The following RBM41 variants were observed in gnomAD, a reference collection of about 807,000 sequenced individuals.
RBM41 encodes the protein RNA-binding protein 41.
In RBM41, 14 loss-of-function variants were observed where a neutral mutation model predicts 30.8. The observed-to-expected ratio is 0.45, with a 90% CI of 0.30 to 0.71. The LOEUF is 0.71. RBM41 is among the 30% of genes least tolerant of loss of function. The pLI, the probability that RBM41 is intolerant of heterozygous loss-of-function variation, is 0.08. For missense variants in RBM41, 276 were observed against 326.3 expected (o/e 0.85, Z 1.19); for synonymous variants, 120 against 110.1 (o/e 1.09, Z -0.56).
chrX:107,064,796 T>C lies in RBM41; in HGVS notation c.*2731A>G, dbSNP rs981597660. The C allele has an allele frequency of 8.9e-6, 1 of 111,885 alleles. No homozygotes were observed. The highest frequency in any genetic ancestry group is 1.9e-5 in the Non-Finnish European group (1 of 53,180). 9.2% of individuals were successfully genotyped at this position (111,885 alleles called of 1,213,427 possible). On this transcript the variant is annotated 3_prime_UTR_variant, in exon 8 of 8. Transcript: ENST00000685964. ...AGATGTCTTTTAGGTCAATTTGCCT[T>C]ATAATGTTGTTCAAGTCTTCTATTT...
Position 107,067,335 on chromosome X carries a change from C to T in RBM41, c.*192G>A, listed in dbSNP as rs1320759298. 9.8e-6 allele frequency: 10 copies of T among 1,021,984 alleles called. No individual in the cohort carries two copies. Among genetic ancestry groups the T allele is most frequent in the Non-Finnish European group, 1.3e-5 (10 of 799,841 alleles). 84.2% of individuals were successfully genotyped at this position (1,021,984 alleles called of 1,213,427 possible). A position where few individuals can be genotyped will look rare whatever the true frequency, so the allele number is the denominator to read the frequency against. ...CCTTCATACTCAGCATATCATCTGT[C>T]CTATATAGTCTTCAATTATATAATA... On this transcript the variant is annotated 3_prime_UTR_variant, in exon 8 of 8. Transcript: ENST00000685964.
intron 5 of RBM41, among the ~76,000 whole-genome samples, chrX:107,108,590 A>C (rs1924203404): frequency 8.9e-6 from 1 of 112,324 alleles, no homozygotes; most frequent in South Asian, 3.7e-4. Context: ...TTTTTCACAA[A>C]GATATTAAGA....
At chrX:107,081,672 T>C (rs1172748613) in intron 6 of RBM41, among the ~76,000 whole-genome samples, 3 of 112,449 alleles carry the variant, frequency 2.7e-5, no homozygotes, top group Admixed American at 9.4e-5. Context: ...TATTTAGATC[T>C]TATTTAATTT....
intron 5 of RBM41, among the ~76,000 whole-genome samples, chrX:107,106,228 C>G (rs1444900344): frequency 8.9e-6 from 1 of 112,070 alleles, no homozygotes; most frequent in African/African-American, 3.3e-5. Flanking sequence ...AGACACTTCT[C>G]AAAAGAAGAC....
intron 5 of RBM41, among the ~76,000 whole-genome samples, chrX:107,098,817 G>A (rs925469965): frequency 2.7e-5 from 3 of 110,711 alleles, no homozygotes; most frequent in Admixed American, 9.6e-5. Flanking sequence ...CCTGGCCAAC[G>A]TGGTAAAACC....
At chrX:107,101,487 T>C (rs1455275954) in intron 5 of RBM41, among the ~76,000 whole-genome samples, 1 of 111,245 alleles carries the variant, frequency 9.0e-6, no homozygotes, top group Non-Finnish European at 1.9e-5. Context: ...GATGTCCTTA[T>C]AAGAAGGACA....
rs1490130906 is a variant in RBM41, at chrX:107,063,156, TCAA to T, written c.*4368_*4370del. Among the ~76,000 whole-genome samples, 1 of 111,561 alleles carries T rather than the reference TCAA, an allele frequency of 9.0e-6. No individual in the cohort carries two copies. Among genetic ancestry groups the T allele is most frequent in the African/African-American group, 3.3e-5 (1 of 30,709 alleles). On this transcript the variant is annotated 3_prime_UTR_variant, in exon 8 of 8. Coordinates refer to ENST00000685964, the MANE Select transcript of RBM41 (RefSeq NM_001324242.2). The stretch of plus-strand genomic sequence containing the variant: ...CACGACCAATTTTAGAACACTTTCA[TCAA>T]CCTCTAAAGAAACTTCATACACTTC...
intron 5 of RBM41, among the ~76,000 whole-genome samples, chrX:107,089,795 C>T (rs1285561): frequency 0.37 from 40,405 of 110,273 alleles, 8,090 homozygotes; most frequent in African/African-American, 0.77. Flanking sequence ...TGGTAGATGG[C>T]ATTAGTCTCA....
Position 107,109,767 on chromosome X carries a change from TTATTTTACTCCA to T in RBM41, c.595+3618_595+3629del, listed in dbSNP as rs1158917050. ...CTAAATATCCCCCTAAACACTGATT[TTATTTTACTCCA>T]TAAGTTTTTGGCATGCTGTGTTTTA... On this transcript the variant is annotated intron_variant, in intron 5 of 7. Transcript: ENST00000685964. Among the ~76,000 whole-genome samples the T allele has an allele frequency of 1.6e-4, 18 of 111,491 alleles. No individual in the cohort carries two copies. The East Asian group carries it at 1.7e-3, about 10-fold the overall frequency.
intron 2 of RBM41, 106 bp downstream of exon 2, chrX:107,116,544 A>G: frequency 9.0e-7 from 1 of 1,105,621 alleles, no homozygotes; most frequent in Non-Finnish European, 1.2e-6. Context: ...GAAGTCTAAC[A>G]AAGAAAGGGA....
chrX:107,114,185 ATTATAAACCTACCTCT>A (rs1924715344), intron 4 of RBM41: 1 of 111,302 alleles, frequency 9.0e-6, no homozygotes, highest in Admixed American at 9.5e-5. Context: ...TAGTTCTTCC[ATTATAAACCTACCTCT>A]CTCCAATTTC....
At chrX:107,107,346 T>G (rs1924095300) in intron 5 of RBM41, among the ~76,000 whole-genome samples, 1 of 111,287 alleles carries the variant, frequency 9.0e-6, no homozygotes, top group African/African-American at 3.3e-5. Context: ...AAGCAGGAAA[T>G]GGATGAAAGT....
intron 4 of RBM41, chrX:107,114,889 C>T (rs749422738): frequency 9.1e-5 from 11 of 120,479 alleles, no homozygotes; most frequent in Non-Finnish European, 1.4e-4. Flanking sequence ...AATCTAGCTT[C>T]GCCTCCCCTT....
intron 2 of RBM41, chrX:107,116,300 A>C: frequency 5.5e-6 from 5 of 905,825 alleles, no homozygotes; most frequent in Non-Finnish European, 7.0e-6. Flanking sequence ...TCTGCTAGGT[A>C]CTAAGGATTT....
intron 6 of RBM41, among the ~76,000 whole-genome samples, chrX:107,075,061 C>A (rs1421308595): frequency 8.9e-6 from 1 of 111,755 alleles, no homozygotes; most frequent in African/African-American, 3.3e-5. Context: ...TAAAACTGGA[C>A]ACATAGGCCA....
downstream of RBM41, among the ~76,000 whole-genome samples, chrX:107,058,501 C>T (rs1488418216): frequency 1.8e-5 from 2 of 110,365 alleles, no homozygotes; most frequent in Non-Finnish European, 3.8e-5. Context: ...TTAACTTACT[C>T]AGGTTCACAC....
intron 5 of RBM41, among the ~76,000 whole-genome samples, chrX:107,106,673 G>A (rs937590775): frequency 2.2e-4 from 25 of 111,376 alleles, no homozygotes; most frequent in Admixed American, 2.1e-3. Flanking sequence ...TATACACCAT[G>A]AAATACTATG....
At chrX:107,057,048 T>A (rs774790962), downstream of RBM41, among the ~76,000 whole-genome samples, 1 of 110,013 alleles carries the variant, frequency 9.1e-6, no homozygotes, top group African/African-American at 3.3e-5. Context: ...TTAAATTTTT[T>A]TGTAGAGACG....
At chrX:107,056,795 G>A in the RBM41 span, among the ~76,000 whole-genome samples, 1 of 105,002 alleles carries the variant, frequency 9.5e-6, no homozygotes, top group African/African-American at 3.6e-5. Context: ...CAATTTTGGT[G>A]ATCTTCTCAA....
Sources: allele counts gnomAD v4.1 joint callset (sites outside exome capture counted in the v4.1 genomes callset), GRCh38; gene constraint gnomAD v4.1.1; transcripts MANE v1.5; gene names NCBI Gene and HGNC (gene_info 2026-07-23, HGNC 2026-07-21).